MX1: variants seen among roughly 807,000 people sequenced by gnomAD.
MX1 encodes MX dynamin like GTPase 1.
In MX1, 66 loss-of-function variants were observed where a neutral mutation model predicts 66.4. The ratio of observed to expected loss-of-function variants is 0.99; its 90% CI spans 0.82 to 1.22. The LOEUF (loss-of-function observed/expected upper bound fraction) is 1.22, where lower values mean the gene tolerates loss of function less well. MX1 is among the 50% of genes most tolerant of loss of function. The pLI is 0.00. For missense variants in MX1, 787 were observed against 834.3 expected (o/e 0.94, Z 0.70); for synonymous variants, 311 against 318.1 (o/e 0.98, Z 0.24).
chr21:41,421,633 C>G (rs566326834), upstream of MX1, among the ~76,000 whole-genome samples: 5 of 152,334 alleles, frequency 3.3e-5, no homozygotes, highest in Admixed American at 6.5e-5. Context: ...TAACAAAGCA[C>G]ATCTTGCACC....
chr21:41,441,474 G>C lies in MX1; in HGVS notation c.731-242G>C, dbSNP rs576967809. On this transcript the variant is annotated intron_variant, in intron 9 of 16. Coordinates refer to ENST00000398598, the MANE Select transcript of MX1 (RefSeq NM_002462.5). This position sits in a 1 kb window ranked among gnomAD's most constrained non-coding sequence, Gnocchi z 4.0. ...ACGTGGCGTGTTCTACAGTGGACCC[G>C]GGTGAAGGAGCTTGGGGAGAGCCAC... is the stretch of plus-strand genomic sequence containing the variant. 7.0e-6 allele frequency: 4 copies of C among 567,774 alleles called. No individual in the cohort carries two copies. The highest frequency in any genetic ancestry group is 6.3e-6 in the Non-Finnish European group (2 of 316,432). The allele number at this position is 567,774 out of a possible 1,614,324, so 35.2% of individuals were successfully genotyped here. A position where few individuals can be genotyped will look rare whatever the true frequency, so the allele number is the denominator to read the frequency against.
chr21:41,447,528 G>C (rs1265525383), intron 13 of MX1, among the ~76,000 whole-genome samples: 5 of 152,116 alleles, frequency 3.3e-5, no homozygotes, highest in Non-Finnish European at 5.9e-5. Flanking sequence ...AGCCACAAAG[G>C]CCACACGGTC....
chr21:41,436,907 A>G, intron 6 of MX1, 108 bp from the exon 7 acceptor site: 2 of 1,381,294 alleles, frequency 1.4e-6, no homozygotes, highest in South Asian at 2.8e-5. Flanking sequence ...TTCCAGTTTT[A>G]AATGTCTCCC....
At chr21:41,425,986 G>GC (rs1391526712), upstream of MX1, 1 of 153,836 alleles carries the variant, frequency 6.5e-6, no homozygotes, top group Admixed American at 6.5e-5. Context: ...CCATTAGGGA[G>GC]CCTCCGGAGC....
chr21:41,450,112 T>G (rs1029310653), intron 14 of MX1, among the ~76,000 whole-genome samples: 1 of 152,234 alleles, frequency 6.6e-6, no homozygotes, highest in Non-Finnish European at 1.5e-5. Flanking sequence ...ACCTCCCCCC[T>G]GCTCCACTGC....
At chr21:41,430,902 G>T (rs1469886537) in intron 4 of MX1, among the ~76,000 whole-genome samples, 6 of 152,184 alleles carry the variant, frequency 3.9e-5, no homozygotes, top group African/African-American at 1.2e-4. Flanking sequence ...GAGCATAAAA[G>T]ATTTAGAGCT....
chr21:41,447,684 G>A (rs888641119), intron 13 of MX1, among the ~76,000 whole-genome samples: 1 of 152,120 alleles, frequency 6.6e-6, no homozygotes, highest in Non-Finnish European at 1.5e-5. Flanking sequence ...TATGTCTGGG[G>A]ATGGTCGCAC....
chr21:41,445,463 T>C lies in MX1; in HGVS notation c.1024T>C (p.Leu342=), dbSNP rs776170274. ...ITHICKSLPL[L]ENQIKETHQR... ...TTTTCCTCAGAAATCTCTGCCCCTG[T>C]TAGAAAATCAAATCAAGGAGACTCA... Residue 342 remains leucine (L), a synonymous_variant, in exon 12 of 17, where the codon TTA becomes CTA. Transcript: ENST00000398598. 1 of 1,614,010 alleles carries C rather than the reference T, an allele frequency of 6.2e-7. No individual in the cohort carries two copies. The highest frequency in any genetic ancestry group is 1.1e-5 in the South Asian group (1 of 91,070).
chr21:41,436,185 T>C (rs469213), intron 6 of MX1, among the ~76,000 whole-genome samples, 156 bp downstream of exon 6: 54,353 of 152,142 alleles, frequency 0.36, 11,872 homozygotes, highest in Non-Finnish European at 0.51. Context: ...TCTCCATGGC[T>C]TGCAGATGGC....
intron 1 of MX1, chr21:41,426,719 C>T (rs1257302071): frequency 6.6e-6 from 1 of 152,310 alleles, no homozygotes; most frequent in African/African-American, 2.4e-5. Context: ...GAAAGCAAAC[C>T]CAAGTCAGAC....
intron 11 of MX1, among the ~76,000 whole-genome samples, chr21:41,444,968 G>A (rs2146265894): frequency 6.6e-6 from 1 of 152,262 alleles, no homozygotes; most frequent in African/African-American, 2.4e-5. Flanking sequence ...CCGTGGAAGG[G>A]TGAGCCAGCA....
upstream of MX1, among the ~76,000 whole-genome samples, chr21:41,424,813 G>A (rs2090031269): frequency 6.6e-6 from 1 of 152,224 alleles, no homozygotes. Context: ...GCAGGCTCAT[G>A]CCCAAAATGG....
chr21:41,439,695 C>T lies in MX1; in HGVS notation c.438C>T (p.Ala146=). The T allele has an allele frequency of 3.7e-6, 6 of 1,613,040 alleles. No homozygotes were observed. Among genetic ancestry groups the T allele is most frequent in the Non-Finnish European group, 5.1e-6 (6 of 1,179,222 alleles). Residue 146 remains alanine, a splice_region_variant and synonymous_variant, in exon 8 of 17, where the codon GCC becomes GCT. Coordinates refer to ENST00000398598, the MANE Select transcript of MX1 (RefSeq NM_002462.5). The stretch of plus-strand genomic sequence containing the variant: ...TGATTTTCCCTGTCTCTTTTCTAGC[C>T]CAGAATGCCATCGCCGGGGAAGGAA... ...ASEVEKEINK[A]QNAIAGEGMG...
upstream of MX1, among the ~76,000 whole-genome samples, chr21:41,425,390 G>A (rs2090041227): frequency 6.6e-6 from 1 of 152,160 alleles, no homozygotes; most frequent in Non-Finnish European, 1.5e-5. Context: ...CTTAAGGGTG[G>A]GGAAGATTAC....
At chr21:41,436,897 T>C in intron 6 of MX1, 118 bp from the exon 7 acceptor site, 3 of 1,298,218 alleles carry the variant, frequency 2.3e-6, no homozygotes, top group Non-Finnish European at 3.2e-6. Flanking sequence ...ACCAGAAAGT[T>C]TCCAGTTTTA....
rs376386247 is a variant in MX1, at chr21:41,440,874, C to T, written c.592-13C>T. 2 of 1,614,008 alleles carry T rather than the reference C, an allele frequency of 1.2e-6. No homozygotes were observed. Among genetic ancestry groups the T allele is most frequent in the African/African-American group, 2.7e-5 (2 of 74,930 alleles). ...GCCATACTCACGAGTCACCTCCTCT[C>T]ATTTCCTTACAGATCAAGACACTCA... On this transcript the variant is annotated splice_polypyrimidine_tract_variant and intron_variant, in intron 8 of 16. Coordinates refer to ENST00000398598, the MANE Select transcript of MX1 (RefSeq NM_002462.5).
chr21:41,437,007 C>T lies in MX1; in HGVS notation c.299-8C>T. The T allele has an allele frequency of 1.2e-6, 2 of 1,613,634 alleles. No homozygotes were observed. The highest frequency in any genetic ancestry group is 1.7e-6 in the Non-Finnish European group (2 of 1,179,750). On this transcript the variant is annotated splice_polypyrimidine_tract_variant and splice_region_variant and intron_variant, in intron 6 of 16. Transcript: ENST00000398598. Reference sequence around the variant, plus strand: ...AAGTGGAGCACTGATGTGGGCGTGGCCTCCTAGGGATCGTGACCAGATGCC... The same window carrying T: ...AAGTGGAGCACTGATGTGGGCGTGGTCTCCTAGGGATCGTGACCAGATGCC...
rs777301910 is a variant in MX1, at chr21:41,439,858, C to G, written c.591+10C>G. Reference sequence around the variant, plus strand: ...TGACATTGGGTATAAGGTCAGACTTCAGACCCATTCTGACCTTGGCCGTGG... The same window carrying G: ...TGACATTGGGTATAAGGTCAGACTTGAGACCCATTCTGACCTTGGCCGTGG... On this transcript the variant is annotated intron_variant, in intron 8 of 16. Transcript: ENST00000398598. The G allele has an allele frequency of 3.1e-6, 5 of 1,609,306 alleles. No homozygotes were observed. The Admixed American group carries it at 8.4e-5, about 27-fold the overall frequency.
intron 11 of MX1, 40 bp from the exon 12 acceptor site, chr21:41,445,408 T>C: frequency 6.2e-7 from 1 of 1,612,114 alleles, no homozygotes; most frequent in Non-Finnish European, 8.5e-7. Context: ...TCTCTGTTCA[T>C]CTTTACACAT....
Sources: gnomAD v4.1 joint callset for allele counts (sites outside exome capture counted in the v4.1 genomes callset) on GRCh38, gnomAD v4.1.1 for gene constraint, Gnocchi (gnomAD v3.1) non-coding constraint, MANE v1.5 for transcripts, NCBI Gene and HGNC (gene_info 2026-07-23, HGNC 2026-07-21) for gene names.